Variants in PTPRB observed in about 807,000 individuals in gnomAD.
PTPRB encodes the protein protein tyrosine phosphatase receptor type B.
PTPRB carries 97 observed loss-of-function variants against 238.1 expected under a neutral mutation model. The observed-to-expected ratio is 0.41, with a 90% CI of 0.35 to 0.48. PTPRB has a LOEUF of 0.48. PTPRB is among the 20% of genes least tolerant of loss of function. The pLI is 0.30. For synonymous variants in PTPRB, 970 were observed against 995.4 expected (o/e 0.97, Z 0.48); for missense variants, 2,292 against 2,681.9 (o/e 0.85, Z 3.21).
chr12:70,629,216 T>C (rs914058531), intron 2 of PTPRB, among the ~76,000 whole-genome samples: 1 of 152,056 alleles, frequency 6.6e-6, no homozygotes, highest in African/African-American at 2.4e-5. Context: ...CCTCAGCAAA[T>C]GTAAAAGAAG....
At chr12:70,565,998 C>T (rs779943492) in intron 15 of PTPRB, among the ~76,000 whole-genome samples, 5 of 152,104 alleles carry the variant, frequency 3.3e-5, no homozygotes, top group African/African-American at 7.2e-5. Context: ...GAGGGGGACA[C>T]GAGCCAAGGA....
intron 22 of PTPRB, chr12:70,542,902 A>G (rs1875398051): frequency 6.6e-6 from 1 of 150,994 alleles, no homozygotes; most frequent in Admixed American, 6.6e-5. Flanking sequence ...AGGAAAAAAA[A>G]AAAGGAAAAA....
chr12:70,593,757 C>T (rs1399737266), intron 6 of PTPRB, among the ~76,000 whole-genome samples: 1 of 151,524 alleles, frequency 6.6e-6, no homozygotes, highest in East Asian at 1.9e-4. Flanking sequence ...TAAGGCACTA[C>T]ATATATTAGA....
At chr12:70,609,885 G>T in intron 3 of PTPRB, 1 of 1,445,488 alleles carries the variant, frequency 6.9e-7, no homozygotes. Context: ...GCCGGGGCAG[G>T]GGGTCACCTG....
intron 14 of PTPRB, among the ~76,000 whole-genome samples, chr12:70,567,051 T>C (rs1194383723): frequency 5.3e-5 from 8 of 152,152 alleles, no homozygotes; most frequent in Admixed American, 2.0e-4. Context: ...TGAATGTGGG[T>C]TTGACAGCTG....
chr12:70,555,731 T>C (rs1232086407), intron 19 of PTPRB, 139 bp downstream of exon 19: 1 of 1,112,210 alleles, frequency 9.0e-7, no homozygotes, highest in Non-Finnish European at 1.3e-6. Context: ...GGTCCTCCTC[T>C]CCAGGTGGCA....
chr12:70,592,712 AAT>A (rs1421439009), intron 6 of PTPRB, among the ~76,000 whole-genome samples, 167 bp from the exon 7 acceptor site: 1 of 152,252 alleles, frequency 6.6e-6, no homozygotes, highest in African/African-American at 2.4e-5. Flanking sequence ...AAAAAATAAA[AAT>A]AAAAAAAGGT....
chr12:70,521,140 T>C lies in PTPRB; in HGVS notation c.*349A>G, dbSNP rs756175878. ...GTAGAAAACATGGCCTGAAGGATTG[T>C]CTCTGCCACCACCTCCATATGCATT... On this transcript the variant is annotated 3_prime_UTR_variant, in exon 34 of 34. Transcript: ENST00000334414. 5.2e-6 allele frequency: 1 copy of C among 192,874 alleles called. No individual in the cohort carries two copies. Among genetic ancestry groups the C allele is most frequent in the Non-Finnish European group, 1.1e-5 (1 of 94,782 alleles). 11.9% of individuals were successfully genotyped at this position (192,874 alleles called of 1,614,324 possible).
intron 18 of PTPRB, 113 bp downstream of exon 18, chr12:70,559,230 A>G (rs1878134024): frequency 8.5e-7 from 1 of 1,181,140 alleles, no homozygotes; most frequent in African/African-American, 1.5e-5. Context: ...ATTCAAATCC[A>G]GACCAATCCC....
rs1276054389 is a variant in PTPRB at position 70,552,802 on chromosome 12, G to C, written c.5362C>G (p.Pro1788Ala). 6.2e-7 allele frequency: 1 copy of C among 1,613,952 alleles called. No homozygotes were observed. The highest frequency in any genetic ancestry group is 1.7e-5 in the Admixed American group (1 of 60,008). Residue 1788 changes from proline to alanine, a missense_variant, in exon 21 of 34, where the codon CCA becomes GCA. Physicochemically the swap from Pro to Ala is conservative, Grantham distance 27. Transcript: ENST00000334414. ...DPTQQKFCDG[P>A]LKPHTAYRIS... ...CTGTAGGCAGTGTGTGGCTTCAGTGGTCCATCACAGAATTTTTGCTGAGTG... is the reference window on the plus strand; with the variant it reads ...CTGTAGGCAGTGTGTGGCTTCAGTGCTCCATCACAGAATTTTTGCTGAGTG...
intron 4 of PTPRB, among the ~76,000 whole-genome samples, chr12:70,597,340 C>T (rs1462232019): frequency 6.6e-6 from 1 of 152,192 alleles, no homozygotes; most frequent in Non-Finnish European, 1.5e-5. Context: ...TTTCAACTCT[C>T]AAAGCCAAGG....
intron 8 of PTPRB, among the ~76,000 whole-genome samples, chr12:70,588,250 C>T (rs1326962241): frequency 2.0e-5 from 3 of 152,234 alleles, no homozygotes; most frequent in African/African-American, 7.2e-5. Context: ...AACTCTCCAT[C>T]TTCCTTCTTC....
chr12:70,575,562 A>G (rs1369470172), intron 11 of PTPRB, among the ~76,000 whole-genome samples: 1 of 152,164 alleles, frequency 6.6e-6, no homozygotes, highest in Non-Finnish European at 1.5e-5. Context: ...CTGAGTGCCT[A>G]CTAAGCCCCA....
Position 70,538,249 on chromosome 12 carries a change from C to T in PTPRB, c.5870-18G>A, listed in dbSNP as rs1426660848. 1.9e-6 allele frequency: 3 copies of T among 1,608,330 alleles called. No individual in the cohort carries two copies. In the Middle Eastern group the frequency reaches 5.0e-4, roughly 266 times the overall value. On this transcript the variant is annotated intron_variant, in intron 27 of 33. Transcript: ENST00000334414. ...GGCATCATCTGGAAGGAGAGATTTGCTGCTGAGTCTTGGAGTGACTTTTCT... is the reference window on the plus strand; with the variant it reads ...GGCATCATCTGGAAGGAGAGATTTGTTGCTGAGTCTTGGAGTGACTTTTCT...
chr12:70,537,831 G>A (rs1313536260), intron 28 of PTPRB, among the ~76,000 whole-genome samples: 1 of 152,196 alleles, frequency 6.6e-6, no homozygotes, highest in Non-Finnish European at 1.5e-5. Context: ...CATGGGATCA[G>A]CTTCTCTAGC....
chr12:70,579,580 C>T (rs1319669793), intron 10 of PTPRB, among the ~76,000 whole-genome samples: 1 of 151,644 alleles, frequency 6.6e-6, no homozygotes, highest in Non-Finnish European at 1.5e-5. Flanking sequence ...GCCTGTAATC[C>T]CAGCTACTCG....
chr12:70,540,076 A>C, intron 23 of PTPRB, 54 bp from the exon 24 acceptor site: 1 of 1,455,794 alleles, frequency 6.9e-7, no homozygotes. Context: ...GGCTTGAACA[A>C]ATTTTTCCAT....
chr12:70,568,840 T>C (rs1592498791), intron 14 of PTPRB, among the ~76,000 whole-genome samples: 2 of 152,184 alleles, frequency 1.3e-5, no homozygotes, highest in African/African-American at 4.8e-5. Context: ...GTTATATACG[T>C]ATCCTTGATA....
intron 4 of PTPRB, among the ~76,000 whole-genome samples, chr12:70,602,709 G>A (rs1883615617): frequency 1.3e-5 from 2 of 152,216 alleles, no homozygotes; most frequent in South Asian, 4.1e-4. Flanking sequence ...CCATAAATTG[G>A]TAATTATTGA....
Sources: gnomAD v4.1 joint callset for allele counts (sites outside exome capture counted in the v4.1 genomes callset) on GRCh38, gnomAD v4.1.1 for gene constraint, MANE v1.5 for transcripts, NCBI Gene and HGNC (gene_info 2026-07-23, HGNC 2026-07-21) for gene names.